Variants in ZNF624 observed in about 807,000 individuals in gnomAD.
ZNF624 encodes zinc finger protein 624.
A neutral mutation model predicts 74.7 loss-of-function variants in ZNF624; 43 were observed. The ratio of observed to expected loss-of-function variants is 0.58; its 90% confidence interval spans 0.45 to 0.74. The LOEUF is 0.74. Ranked by LOEUF, ZNF624 falls within the 30% of genes least tolerant of loss-of-function variation. The pLI is 0.00. For missense variants in ZNF624, 820 were observed against 1,030.0 expected (o/e 0.80, Z 2.79); for synonymous variants, 331 against 341.3 (o/e 0.97, Z 0.33).
At chr17:16,618,156 TG>T (rs1041480467), downstream of ZNF624, among the ~76,000 whole-genome samples, 1 of 151,894 alleles carries the variant, frequency 6.6e-6, no homozygotes, top group African/African-American at 2.4e-5. Flanking sequence ...CTAGCCAACA[TG>T]GGGAAATCCC....
At chr17:16,652,734 C>T (rs1909755733) in intron 1 of ZNF624, among the ~76,000 whole-genome samples, 1 of 152,214 alleles carries the variant, frequency 6.6e-6, no homozygotes, top group South Asian at 2.1e-4. Flanking sequence ...TTTCTGTACT[C>T]TCCAAGCAGA....
chr17:16,622,465 G>A lies in ZNF624; in HGVS notation c.2421C>T (p.Pro807=). 1 of 1,613,922 alleles carries A rather than the reference G, an allele frequency of 6.2e-7. No individual in the cohort carries two copies. The highest frequency in any genetic ancestry group is 8.5e-7 in the Non-Finnish European group (1 of 1,179,902). ...CTTTTCCACATTCTTCACATTTATA[G>A]GGCCTCTCCCCAGTATGAATTCTCT... ...LHQRIHTGER[P]YKCEECGKAF... The change falls in exon 6 of 6, where the codon CCC becomes CCT. Residue 807 remains proline, a synonymous_variant. Coordinates refer to ENST00000311331, the MANE Select transcript of ZNF624 (RefSeq NM_020787.4).
rs771628196 is a variant in ZNF624, at chr17:16,623,939, G to A, written c.947C>T (p.Pro316Leu). 20 of 1,613,648 alleles carry A rather than the reference G, an allele frequency of 1.2e-5. No homozygotes were observed. In the African/African-American group the frequency reaches 2.0e-4, roughly 16 times the overall value. ...TTTTTTGTGCTGACTGAGATATGAA[G>A]GCTGGCTGAATGTTTTCCCACATTC... is the stretch of plus-strand genomic sequence containing the variant. ...CNECGKTFSQ[P>L]SYLSQHKKIH... The change falls in exon 6 of 6, where the codon CCT (proline) becomes CTT (leucine). Residue 316 changes from proline to leucine, a missense_variant. Pro to Leu is a moderately conservative substitution (Grantham distance 98). Coordinates refer to ENST00000311331, the MANE Select transcript of ZNF624 (RefSeq NM_020787.4). The surrounding 1 kb of genome is among the most constrained non-coding windows in gnomAD (Gnocchi z 5.3).
chr17:16,645,536 C>T (rs944895190), intron 3 of ZNF624, among the ~76,000 whole-genome samples: 1 of 150,704 alleles, frequency 6.6e-6, no homozygotes, highest in Non-Finnish European at 1.5e-5. Context: ...CATCAATCTT[C>T]TATAGTTTCT....
intron 3 of ZNF624, among the ~76,000 whole-genome samples, chr17:16,641,595 CTTCTA>C (rs1398404226): frequency 3.3e-5 from 5 of 152,190 alleles, no homozygotes; most frequent in African/African-American, 1.2e-4. Flanking sequence ...TTCCTTCTCA[CTTCTA>C]TTCAACATTA....
At chr17:16,629,804 T>C (rs1342027450) in intron 5 of ZNF624, among the ~76,000 whole-genome samples, 2 of 152,216 alleles carry the variant, frequency 1.3e-5, no homozygotes, top group Non-Finnish European at 2.9e-5. Flanking sequence ...TGGCCTCCAG[T>C]GCCTGCCTTG....
the ZNF624 span, among the ~76,000 whole-genome samples, chr17:16,615,630 T>A: frequency 6.6e-6 from 1 of 152,238 alleles, no homozygotes; most frequent in Non-Finnish European, 1.5e-5. Context: ...CCCATCCTGA[T>A]AACAAACCTC....
intron 3 of ZNF624, among the ~76,000 whole-genome samples, chr17:16,644,477 A>G (rs1696439833): frequency 6.6e-6 from 1 of 152,212 alleles, no homozygotes; most frequent in Admixed American, 6.5e-5. Flanking sequence ...CATAATTTAG[A>G]CAAATAAAAT....
intron 5 of ZNF624, among the ~76,000 whole-genome samples, chr17:16,625,180 ATTTGT>A (rs1388763102): frequency 1.3e-5 from 2 of 151,436 alleles, no homozygotes; most frequent in Non-Finnish European, 2.9e-5. Context: ...CACACTTTCT[ATTTGT>A]TTTGTTTTGT....
At chr17:16,643,875 C>T (rs1265796495) in intron 3 of ZNF624, among the ~76,000 whole-genome samples, 1 of 152,128 alleles carries the variant, frequency 6.6e-6, no homozygotes, top group African/African-American at 2.4e-5. Context: ...GGATGCCTTC[C>T]CCCAAAACCT....
chr17:16,638,606 G>T (rs867765683), intron 3 of ZNF624, among the ~76,000 whole-genome samples: 1 of 152,012 alleles, frequency 6.6e-6, no homozygotes, highest in African/African-American at 2.4e-5. Context: ...GCAAACTATC[G>T]CAAGGACAAA....
intron 1 of ZNF624, 139 bp downstream of exon 1, chr17:16,653,625 A>G (rs942142875): frequency 2.6e-5 from 4 of 152,734 alleles, no homozygotes; most frequent in Non-Finnish European, 5.9e-5. Context: ...CCCAGCCCCA[A>G]TCGCCTCTCA....
At chr17:16,625,223 C>G (rs1909041838) in intron 5 of ZNF624, among the ~76,000 whole-genome samples, 1 of 152,068 alleles carries the variant, frequency 6.6e-6, no homozygotes, top group African/African-American at 2.4e-5. Flanking sequence ...GCTGTGCCAC[C>G]CAGGCTAGAG....
downstream of ZNF624, chr17:16,617,770 C>T (rs3813762): frequency 0.13 from 203,529 of 1,608,752 alleles, 14,759 homozygotes; most frequent in East Asian, 0.36. Flanking sequence ...TCCACGAAGC[C>T]GTAGCCATTT....
intron 5 of ZNF624, among the ~76,000 whole-genome samples, chr17:16,630,053 A>G (rs1909169909): frequency 6.6e-6 from 1 of 152,206 alleles, no homozygotes; most frequent in Admixed American, 6.5e-5. Context: ...GAGAGTCCTT[A>G]TGATCCAACA....
chr17:16,615,998 T>TATATATATATAA (rs1908786382), downstream of ZNF624, among the ~76,000 whole-genome samples: 1 of 131,448 alleles, frequency 7.6e-6, no homozygotes, highest in Non-Finnish European at 1.6e-5. Context: ...TATATATATA[T>TATATATATATAA]GAATGAGATA....
intron 3 of ZNF624, among the ~76,000 whole-genome samples, chr17:16,637,447 C>T (rs942368683): frequency 1.2e-4 from 18 of 152,288 alleles, no homozygotes; most frequent in Middle Eastern, 6.8e-3. Context: ...GGAGGCATCG[C>T]GCTACCTGAC....
chr17:16,647,372 T>C lies in ZNF624; in HGVS notation c.110A>G (p.Asp37Gly). ...GRLSPEVTQP[D>G]EDLHLQAEET... The stretch of plus-strand genomic sequence containing the variant: ...TTCTGCCTGAAGGTGAAGATCTTCA[T>C]CTGGCTGGGTAACTTCAGGGCTCTG... The change falls in exon 3 of 6, where the codon GAT becomes GGT. Residue 37 changes from aspartate (D) to glycine (G), a missense_variant. Coordinates refer to ENST00000311331, the MANE Select transcript of ZNF624 (RefSeq NM_020787.4). 1.9e-6 allele frequency: 3 copies of C among 1,614,194 alleles called. No individual in the cohort carries two copies. In the South Asian group the frequency reaches 3.3e-5, roughly 18 times the overall value.
chr17:16,617,635 C>A, downstream of ZNF624: 5 of 1,608,262 alleles, frequency 3.1e-6, no homozygotes, highest in Non-Finnish European at 4.2e-6. Context: ...CGGCGGCTTC[C>A]GTAGCTGTAG....
Sources: gnomAD v4.1 joint callset for allele counts (sites outside exome capture counted in the v4.1 genomes callset) on GRCh38, gnomAD v4.1.1 for gene constraint, Gnocchi (gnomAD v3.1) non-coding constraint, MANE v1.5 for transcripts, NCBI Gene and HGNC (gene_info 2026-07-23, HGNC 2026-07-21) for gene names.